Variants in SOCS2 observed in about 807,000 individuals in gnomAD.
SOCS2 encodes the protein suppressor of cytokine signaling 2.
SOCS2 carries 10 observed loss-of-function variants against 18.6 expected under a neutral mutation model. That is an observed-to-expected ratio of 0.54 (90% CI 0.33 to 0.91). SOCS2 has a LOEUF of 0.91. SOCS2 is among the 40% of genes least tolerant of loss of function. The pLI is 0.02. For synonymous variants in SOCS2, 104 were observed against 104.0 expected (o/e 1.00, Z 0.00); for missense variants, 231 against 247.2 (o/e 0.93, Z 0.44).
chr12:93,578,189 T>G (rs957719656), downstream of SOCS2, among the ~76,000 whole-genome samples: 8 of 152,186 alleles, frequency 5.3e-5, no homozygotes, highest in Non-Finnish European at 1.2e-4. Context: ...AGGTCTTTTT[T>G]GGTGTGTCAG....
chr12:93,591,467 CAG>C, the SOCS2 span, among the ~76,000 whole-genome samples: 1 of 152,218 alleles, frequency 6.6e-6, no homozygotes, highest in Non-Finnish European at 1.5e-5. Flanking sequence ...AGAGGAATCT[CAG>C]AGTTTCGGTT....
intron 1 of SOCS2, chr12:93,573,425 G>A: frequency 2.4e-6 from 1 of 408,630 alleles, no homozygotes; most frequent in Non-Finnish European, 4.3e-6. Context: ...AGGCCCAGCA[G>A]CATCTGGCTC....
At chr12:93,614,531 CCTTCCTTCCTTCTTT>C in the SOCS2 span, among the ~76,000 whole-genome samples, 4 of 88,330 alleles carry the variant, frequency 4.5e-5, no homozygotes, top group Admixed American at 1.4e-4. Flanking sequence ...TTCCTTCCTT[CCTTCCTTCCTTCTTT>C]CTTTCTTTCT....
the SOCS2 span, among the ~76,000 whole-genome samples, chr12:93,623,106 AC>A: frequency 2.4e-4 from 36 of 152,070 alleles, no homozygotes; most frequent in African/African-American, 8.7e-4. Context: ...TCGAATTGTA[AC>A]CCCCAAATGT....
the SOCS2 span, among the ~76,000 whole-genome samples, chr12:93,610,051 C>T: frequency 6.6e-6 from 1 of 152,202 alleles, no homozygotes; most frequent in African/African-American, 2.4e-5. Context: ...ATGATCTAAT[C>T]ACCTTTTAAA....
At chr12:93,593,826 A>G in the SOCS2 span, among the ~76,000 whole-genome samples, 1 of 152,214 alleles carries the variant, frequency 6.6e-6, no homozygotes, top group African/African-American at 2.4e-5. Flanking sequence ...ACCACGCTAA[A>G]ATAAAATAAA....
chr12:93,614,355 A>G, the SOCS2 span, among the ~76,000 whole-genome samples: 1 of 138,238 alleles, frequency 7.2e-6, no homozygotes, highest in Non-Finnish European at 1.6e-5. Context: ...TGTATATAGC[A>G]ATTTTCCTTC....
At chr12:93,619,913 C>T in the SOCS2 span, among the ~76,000 whole-genome samples, 1 of 152,210 alleles carries the variant, frequency 6.6e-6, no homozygotes, top group Non-Finnish European at 1.5e-5. Flanking sequence ...TAATCTTTCT[C>T]TCTTCTGGAT....
chr12:93,615,594 GTATT>G, the SOCS2 span, among the ~76,000 whole-genome samples: 3 of 152,144 alleles, frequency 2.0e-5, no homozygotes, highest in Non-Finnish European at 2.9e-5. Context: ...AAGTGTGAAA[GTATT>G]TGTTCTGTTT....
intron 1 of SOCS2, among the ~76,000 whole-genome samples, chr12:93,581,894 A>C (rs1347168095): frequency 6.6e-6 from 1 of 152,190 alleles, no homozygotes; most frequent in African/African-American, 2.4e-5. Flanking sequence ...TCTTCACAAC[A>C]ACCTGATGAG....
At chr12:93,573,080 C>T in intron 1 of SOCS2, 44 bp downstream of exon 1, 3 of 1,544,024 alleles carry the variant, frequency 1.9e-6, no homozygotes, top group Non-Finnish European at 2.6e-6. Flanking sequence ...GGGAGCGCCT[C>T]CCCAAGGAAG....
At chr12:93,604,461 A>G in the SOCS2 span, among the ~76,000 whole-genome samples, 1 of 152,210 alleles carries the variant, frequency 6.6e-6, no homozygotes, top group Non-Finnish European at 1.5e-5. Context: ...TACAATAAAA[A>G]TGTAGTTTTG....
the SOCS2 span, among the ~76,000 whole-genome samples, chr12:93,610,362 A>G: frequency 2.0e-5 from 3 of 152,192 alleles, no homozygotes; most frequent in East Asian, 5.8e-4. Context: ...ATTTGTTCAA[A>G]CACAACTTCC....
intron 1 of SOCS2, chr12:93,583,000 G>GTTTTTTT (rs11305267): frequency 9.0e-6 from 1 of 111,280 alleles, no homozygotes; most frequent in Non-Finnish European, 1.9e-5. Context: ...TCTGGGTTTT[G>GTTTTTTT]TTTTTTTTTT....
At chr12:93,592,736 CT>C in the SOCS2 span, among the ~76,000 whole-genome samples, 4 of 152,050 alleles carry the variant, frequency 2.6e-5, no homozygotes, top group African/African-American at 9.7e-5. Context: ...ATTAATTGCC[CT>C]TGAAGTTAAA....
chr12:93,619,068 C>T, the SOCS2 span, among the ~76,000 whole-genome samples: 286 of 152,294 alleles, frequency 1.9e-3, 1 homozygote, highest in African/African-American at 6.2e-3. Context: ...ACACATGATG[C>T]GGCACCCAGG....
chr12:93,614,382 T>C, the SOCS2 span, among the ~76,000 whole-genome samples: 1 of 134,970 alleles, frequency 7.4e-6, no homozygotes, highest in African/African-American at 2.9e-5. Flanking sequence ...TCTTTCTTTC[T>C]TTCTTTCTTT....
downstream of SOCS2, among the ~76,000 whole-genome samples, chr12:93,579,514 C>T (rs1954509757): frequency 6.6e-6 from 1 of 151,990 alleles, no homozygotes; most frequent in African/African-American, 2.4e-5. Flanking sequence ...GTTAAGTTAA[C>T]CTTCATTTGC....
rs1954447530 is a variant in SOCS2 at position 93,575,851 on chromosome 12, A to C, written c.*672A>C. 6.6e-6 allele frequency: 1 copy of C among 152,634 alleles called. No homozygotes were observed. The highest frequency in any genetic ancestry group is 1.5e-5 in the Non-Finnish European group (1 of 68,046). 9.5% of individuals were successfully genotyped at this position (152,634 alleles called of 1,614,324 possible). On this transcript the variant is annotated 3_prime_UTR_variant, in exon 2 of 2. Transcript: ENST00000551556. Reference sequence around the variant, plus strand: ...TCAGAAATATTTCAAACTGGTGCAAATGGAAAAGACTTTCTCTTTTCCTTT... The same window carrying C: ...TCAGAAATATTTCAAACTGGTGCAACTGGAAAAGACTTTCTCTTTTCCTTT...
Sources: allele counts gnomAD v4.1 joint callset (sites outside exome capture counted in the v4.1 genomes callset), GRCh38; gene constraint gnomAD v4.1.1; transcripts MANE v1.5; gene names NCBI Gene and HGNC (gene_info 2026-07-23, HGNC 2026-07-21).